The following HGD variants were observed in gnomAD, a reference collection of about 807,000 sequenced individuals.
HGD encodes the protein homogentisate oxidase.
Under a neutral mutation model 60.8 loss-of-function variants are expected in HGD, and 61 were observed. The ratio of observed to expected loss-of-function variants is 1.00; its 90% CI spans 0.82 to 1.24. The LOEUF (loss-of-function observed/expected upper bound fraction) is 1.24. Ranked by LOEUF, HGD falls within the 50% of genes most tolerant of loss-of-function variation. HGD has a pLI of 0.00. For synonymous variants in HGD, 212 were observed against 187.7 expected (o/e 1.13, Z -1.06); for missense variants, 542 against 547.1 (o/e 0.99, Z 0.09).
chr3:120,642,229 T>A (rs141379507), intron 10 of HGD, among the ~76,000 whole-genome samples: 1 of 152,194 alleles, frequency 6.6e-6, no homozygotes, highest in Non-Finnish European at 1.5e-5. Flanking sequence ...GGTCCTGTCC[T>A]GGGGTAGAAG....
chr3:120,670,300 T>C (rs983196460), intron 4 of HGD, 127 bp downstream of exon 4: 1 of 706,258 alleles, frequency 1.4e-6, no homozygotes, highest in Non-Finnish European at 2.6e-6. Flanking sequence ...CAGACACACT[T>C]TAGCATTTAT....
chr3:120,681,729 G>A (rs1264970867), intron 1 of HGD, among the ~76,000 whole-genome samples: 6 of 152,178 alleles, frequency 3.9e-5, no homozygotes, highest in Admixed American at 6.5e-5. Context: ...ACTGGTCACC[G>A]GAAGTGGTCC....
chr3:120,634,413 T>A (rs887740495), intron 12 of HGD, among the ~76,000 whole-genome samples: 3 of 152,150 alleles, frequency 2.0e-5, no homozygotes, highest in Non-Finnish European at 2.9e-5. Flanking sequence ...CAAATTTAAG[T>A]GCCTTTGCAT....
rs372136565 is a variant in HGD at position 120,638,482 on chromosome 3, T to C, written c.979A>G (p.Lys327Glu). Reference protein sequence around the residue: ...IFPPRWGVADKTFRPPYYHRN... With the variant: ...IFPPRWGVADETFRPPYYHRN... Reference sequence around the variant, plus strand: ...TGGTAATAAGGAGGCCTGAAGGTCTTATCAGCAACCCCCCATCGAGGTGGG... The same window carrying C: ...TGGTAATAAGGAGGCCTGAAGGTCTCATCAGCAACCCCCCATCGAGGTGGG... The change falls in exon 12 of 14, where the codon AAG (lysine) becomes GAG (glutamate). Residue 327 changes from lysine to glutamate, a missense_variant. This residue lies in a region of HGD where 537 missense variants were observed against 529.1 expected (regional missense o/e 1.01). Transcript: ENST00000283871. The C allele has an allele frequency of 1.2e-6, 2 of 1,613,944 alleles. No homozygotes were observed. The highest frequency in any genetic ancestry group is 8.5e-7 in the Non-Finnish European group (1 of 1,179,938).
intron 1 of HGD, among the ~76,000 whole-genome samples, chr3:120,677,588 C>T (rs370852139): frequency 7.9e-5 from 12 of 152,230 alleles, no homozygotes; most frequent in Admixed American, 3.9e-4. Flanking sequence ...CAATGGTGCC[C>T]GAAACTTCAT....
At chr3:120,674,869 T>C (rs1708092376) in intron 3 of HGD, 32 bp downstream of exon 3, 1 of 1,410,268 alleles carries the variant, frequency 7.1e-7, no homozygotes, top group Admixed American at 1.7e-5. Context: ...GTACCCACAG[T>C]CTGCAGGTCA....
In HGD at chr3:120,652,635, A is replaced by G; in HGVS notation, c.299T>C (p.Phe100Ser). The part of the protein sequence containing the change: ...PDPNQLRWKP[F>S]EIPKASQKKV... ...CTTCTGAGATGCTTTTGGAATCTCA[A>G]ATGGTTTCCATCTAAGCTGGAAAAA... The change falls in exon 5 of 14, where the codon TTT becomes TCT. Residue 100 changes from phenylalanine (F) to serine (S), a missense_variant. By Grantham distance (155) the Phe-to-Ser change is radical (BLOSUM62 -2). This residue lies in a region of HGD where 537 missense variants were observed against 529.1 expected (regional missense o/e 1.01). Coordinates refer to ENST00000283871, the MANE Select transcript of HGD (RefSeq NM_000187.4). 2 of 1,613,228 alleles carry G rather than the reference A, an allele frequency of 1.2e-6. No individual in the cohort carries two copies. The highest frequency in any genetic ancestry group is 1.7e-6 in the Non-Finnish European group (2 of 1,179,316).
chr3:120,660,965 A>G (rs538358626), intron 4 of HGD, among the ~76,000 whole-genome samples: 1 of 152,220 alleles, frequency 6.6e-6, no homozygotes. Flanking sequence ...TATAGAACAT[A>G]ATAGTCACTC....
Position 120,633,249 on chromosome 3 carries a change from C to T in HGD, c.1086G>A (p.Gly362=). 1.9e-6 allele frequency: 3 copies of T among 1,613,910 alleles called. No homozygotes were observed. Among genetic ancestry groups the T allele is most frequent in the Non-Finnish European group, 2.5e-6 (3 of 1,179,960 alleles). ...AKQGGFLPGG[G]SLHSTMTPHG... Reference sequence around the variant, plus strand: ...GGGGGGTCATTGTGCTGTGTAGACTCCCTCCCCCTGGCAGGAACCCACCTT... The same window carrying T: ...GGGGGGTCATTGTGCTGTGTAGACTTCCTCCCCCTGGCAGGAACCCACCTT... Residue 362 remains glycine, a synonymous_variant, in exon 13 of 14, where the codon GGG becomes GGA. Transcript: ENST00000283871.
rs758291793 is a variant in HGD, at chr3:120,633,158, C to G, written c.1177G>C (p.Asp393His). The G allele has an allele frequency of 1.9e-6, 3 of 1,613,920 alleles. No homozygotes were observed. Among genetic ancestry groups the G allele is most frequent in the Non-Finnish European group, 1.7e-6 (2 of 1,179,962 alleles). Reference protein sequence around the residue: ...KVKLAPERIADGTMAFMFESS... With the variant: ...KVKLAPERIAHGTMAFMFESS... Reference sequence around the variant, plus strand: ...GTTAACATACTTACCATGGTGCCATCGGCAATCCTCTCAGGTGCCAGCTTG... The same window carrying G: ...GTTAACATACTTACCATGGTGCCATGGGCAATCCTCTCAGGTGCCAGCTTG... The change falls in exon 13 of 14, where the codon GAT becomes CAT. Residue 393 changes from aspartate to histidine, a missense_variant. Transcript: ENST00000283871.
intron 11 of HGD, among the ~76,000 whole-genome samples, chr3:120,639,434 C>A (rs1940897322): frequency 6.6e-6 from 1 of 152,170 alleles, no homozygotes; most frequent in Non-Finnish European, 1.5e-5. Flanking sequence ...GTGCAATAAT[C>A]ACTCATATGA....
chr3:120,673,226 A>G (rs1189989837), intron 3 of HGD, among the ~76,000 whole-genome samples: 1 of 152,194 alleles, frequency 6.6e-6, no homozygotes, highest in Non-Finnish European at 1.5e-5. Flanking sequence ...CTCCCCAGGC[A>G]GTACTACATT....
chr3:120,628,216 C>A lies in HGD; in HGVS notation c.*164G>T. 1 of 732,982 alleles carries A rather than the reference C, an allele frequency of 1.4e-6. No individual in the cohort carries two copies. Among genetic ancestry groups the A allele is most frequent in the Non-Finnish European group, 2.4e-6 (1 of 422,236 alleles). 45.4% of individuals were successfully genotyped at this position (732,982 alleles called of 1,614,324 possible). On this transcript the variant is annotated 3_prime_UTR_variant, in exon 14 of 14. Transcript: ENST00000283871. ...TTTATTGAGTAATTAAGGTGACAGC[C>A]ATAGAACTTTGCAAATGCGTTTCCA...
intron 13 of HGD, among the ~76,000 whole-genome samples, chr3:120,630,554 G>A (rs981178305): frequency 2.0e-5 from 3 of 151,780 alleles, no homozygotes; most frequent in African/African-American, 7.3e-5. Context: ...AATCATGCTG[G>A]GACAACTGGC....
chr3:120,654,419 G>T (rs1357496754), intron 4 of HGD, among the ~76,000 whole-genome samples: 2 of 152,148 alleles, frequency 1.3e-5, no homozygotes, highest in Non-Finnish European at 2.9e-5. Flanking sequence ...CTAATGTGCA[G>T]CTAGGGTTTA....
chr3:120,646,369 G>A lies in HGD; in HGVS notation c.550-3C>T, dbSNP rs1429129602. 2 of 1,593,874 alleles carry A rather than the reference G, an allele frequency of 1.3e-6. No individual in the cohort carries two copies. The highest frequency in any genetic ancestry group is 1.7e-4 in the Middle Eastern group (1 of 6,020). On this transcript the variant is annotated splice_region_variant and splice_polypyrimidine_tract_variant and intron_variant, in intron 8 of 13. Transcript: ENST00000283871. The stretch of plus-strand genomic sequence containing the variant: ...TCTATGCTGAACCGCATTCCTCTCT[G>A]GAATGGAAAGCAGACACTGGTGTGC...
chr3:120,634,368 C>A (rs384136), intron 12 of HGD, among the ~76,000 whole-genome samples: 92,624 of 151,926 alleles, frequency 0.61, 28,713 homozygotes, highest in African/African-American at 0.73. Flanking sequence ...GTAGCAATAC[C>A]ATAGAGCAGG....
rs190698556 is a variant in HGD at position 120,652,934 on chromosome 3, T to C, written c.283-283A>G. Among the ~76,000 whole-genome samples, 517 of 152,364 alleles carry C rather than the reference T, an allele frequency of 3.4e-3. 3 individuals carry two copies. Among genetic ancestry groups the C allele is most frequent in the Non-Finnish European group, 5.7e-3 (385 of 68,032 alleles). On this transcript the variant is annotated intron_variant, in intron 4 of 13. Coordinates refer to ENST00000283871, the MANE Select transcript of HGD (RefSeq NM_000187.4). The stretch of plus-strand genomic sequence containing the variant: ...ACTTTAGATTATAAAAATAAAACCA[T>C]TGCTTCCTTTTTTAGAAGCTATTTG...
At chr3:120,645,615 C>T (rs1013172370) in intron 9 of HGD, among the ~76,000 whole-genome samples, 1 of 152,138 alleles carries the variant, frequency 6.6e-6, no homozygotes, top group Non-Finnish European at 1.5e-5. Flanking sequence ...TCTCATAGCA[C>T]TGAGTGATGT....
Sources: allele counts gnomAD v4.1 joint callset (sites outside exome capture counted in the v4.1 genomes callset), GRCh38; gene constraint gnomAD v4.1.1; regional missense constraint gnomAD v4.1.1; transcripts MANE v1.5; gene names NCBI Gene and HGNC (gene_info 2026-07-23, HGNC 2026-07-21).